Variants in CTNND2 observed in about 807,000 individuals in gnomAD.
The protein encoded by CTNND2 is catenin delta-2.
In CTNND2, 22 loss-of-function variants were observed where a neutral mutation model predicts 144.4. That is an observed-to-expected ratio of 0.15 (90% confidence interval 0.11 to 0.22). CTNND2 has a LOEUF of 0.22. Ranked by LOEUF, CTNND2 falls within the 10% of genes least tolerant of loss-of-function variation. The pLI is 1.00. For synonymous variants in CTNND2, 751 were observed against 695.6 expected (o/e 1.08, Z -1.25); for missense variants, 1,353 against 1,618.8 (o/e 0.84, Z 2.82).
At chr5:11,195,501 G>C (rs921176689) in intron 11 of CTNND2, among the ~76,000 whole-genome samples, 3 of 152,174 alleles carry the variant, frequency 2.0e-5, no homozygotes, top group South Asian at 2.1e-4. Flanking sequence ...GACTTCTATG[G>C]AGAAAGGAGG....
chr5:11,178,413 T>C (rs1185966026), intron 11 of CTNND2, among the ~76,000 whole-genome samples: 1 of 152,218 alleles, frequency 6.6e-6, no homozygotes, highest in Non-Finnish European at 1.5e-5. Context: ...ATTGAACTCC[T>C]ATGATATGCT....
intron 2 of CTNND2, among the ~76,000 whole-genome samples, chr5:11,716,347 T>C (rs1320845498): frequency 6.6e-6 from 1 of 152,248 alleles, no homozygotes; most frequent in Non-Finnish European, 1.5e-5. Context: ...AGGATAAATG[T>C]AACTTCTCAT....
At chr5:11,629,415 G>A (rs139423838) in intron 2 of CTNND2, among the ~76,000 whole-genome samples, 110 of 152,212 alleles carry the variant, frequency 7.2e-4, no homozygotes, top group Non-Finnish European at 1.2e-3. Flanking sequence ...CCTACCCCTG[G>A]CATCTCGTTA....
intron 2 of CTNND2, among the ~76,000 whole-genome samples, chr5:11,586,157 G>T (rs1302187988): frequency 2.0e-5 from 3 of 152,130 alleles, no homozygotes; most frequent in Non-Finnish European, 2.9e-5. Context: ...GTTATTTTGT[G>T]TGTCACTTAA....
At chr5:11,781,556 T>C (rs1373217839) in intron 1 of CTNND2, among the ~76,000 whole-genome samples, 1 of 152,248 alleles carries the variant, frequency 6.6e-6, no homozygotes, top group Non-Finnish European at 1.5e-5. Context: ...TAAAACTGCA[T>C]GATGTTCTTT....
chr5:11,482,883 GGGCA>G (rs2149978805), intron 3 of CTNND2, among the ~76,000 whole-genome samples: 1 of 152,208 alleles, frequency 6.6e-6, no homozygotes, highest in South Asian at 2.1e-4. Flanking sequence ...AGAGAGCAGG[GGGCA>G]AGGAGTTGGT....
At chr5:11,123,917 A>G (rs1006036905) in intron 12 of CTNND2, among the ~76,000 whole-genome samples, 5 of 152,196 alleles carry the variant, frequency 3.3e-5, no homozygotes, top group African/African-American at 1.2e-4. Flanking sequence ...GGATGGGACC[A>G]TGGCCCCCAC....
intron 1 of CTNND2, among the ~76,000 whole-genome samples, chr5:11,756,791 A>T (rs1459236984): frequency 1.3e-5 from 2 of 151,380 alleles, no homozygotes; most frequent in Non-Finnish European, 3.0e-5. Context: ...ATCTGTCGAC[A>T]GCTATCCCAT....
intron 2 of CTNND2, among the ~76,000 whole-genome samples, chr5:11,707,729 C>T (rs531315573): frequency 6.6e-6 from 1 of 152,148 alleles, no homozygotes; most frequent in Non-Finnish European, 1.5e-5. Flanking sequence ...TTATGAAAAT[C>T]ACTTTTGTAA....
chr5:11,781,710 A>C (rs1790549983), intron 1 of CTNND2, among the ~76,000 whole-genome samples: 1 of 152,172 alleles, frequency 6.6e-6, no homozygotes, highest in African/African-American at 2.4e-5. Context: ...AACCAGGTAA[A>C]ATAAACATTT....
intron 1 of CTNND2, among the ~76,000 whole-genome samples, chr5:11,819,047 G>A (rs953580461): frequency 1.3e-5 from 2 of 152,194 alleles, no homozygotes; most frequent in Non-Finnish European, 2.9e-5. Flanking sequence ...GGCAGGGGCT[G>A]TGCACTGCTC....
At chr5:11,555,592 A>G (rs1776162245) in intron 3 of CTNND2, among the ~76,000 whole-genome samples, 1 of 152,278 alleles carries the variant, frequency 6.6e-6, no homozygotes, top group East Asian at 1.9e-4. Flanking sequence ...TGAGGACCCA[A>G]AAAGTATTTT....
At chr5:11,164,614 T>G (rs997154276) in intron 11 of CTNND2, among the ~76,000 whole-genome samples, 2 of 152,202 alleles carry the variant, frequency 1.3e-5, no homozygotes, top group Non-Finnish European at 2.9e-5. Flanking sequence ...TGTTTCTTCT[T>G]GAACACACAA....
intron 1 of CTNND2, among the ~76,000 whole-genome samples, chr5:11,893,793 T>C (rs983836226): frequency 5.3e-5 from 8 of 152,150 alleles, no homozygotes; most frequent in East Asian, 1.9e-4. Flanking sequence ...ACAGGAAATA[T>C]GGTGTCACTA....
At chr5:11,332,923 C>A (rs569475205) in intron 9 of CTNND2, among the ~76,000 whole-genome samples, 7 of 152,322 alleles carry the variant, frequency 4.6e-5, no homozygotes, top group African/African-American at 1.4e-4. Flanking sequence ...GTCTTACCTG[C>A]CGCCACGTAG....
intron 3 of CTNND2, among the ~76,000 whole-genome samples, chr5:11,475,717 A>G (rs1209814236): frequency 6.6e-6 from 1 of 152,150 alleles, no homozygotes; most frequent in African/African-American, 2.4e-5. Context: ...GCCACTTTTT[A>G]TATTTAAATA....
intron 2 of CTNND2, among the ~76,000 whole-genome samples, chr5:11,632,992 A>G (rs1781490432): frequency 6.6e-6 from 1 of 152,186 alleles, no homozygotes; most frequent in Admixed American, 6.5e-5. Context: ...AGAGCCTCAG[A>G]GAAGTGCAGG....
chr5:11,117,948 T>TA (rs1753732902), intron 12 of CTNND2, among the ~76,000 whole-genome samples: 1 of 152,224 alleles, frequency 6.6e-6, no homozygotes, highest in Non-Finnish European at 1.5e-5. Context: ...ACAGAACTTG[T>TA]AACTTCTGAA....
At chr5:11,442,035 T>A (rs1764314129) in intron 3 of CTNND2, among the ~76,000 whole-genome samples, 2 of 152,178 alleles carry the variant, frequency 1.3e-5, no homozygotes, top group African/African-American at 2.4e-5. Context: ...TATTACTTCC[T>A]AACACTTTTT....
Sources: allele counts gnomAD v4.1 joint callset (sites outside exome capture counted in the v4.1 genomes callset), GRCh38; gene constraint gnomAD v4.1.1; transcripts MANE v1.5; gene names NCBI Gene and HGNC (gene_info 2026-07-23, HGNC 2026-07-21).